Variants in GABRG3 observed in about 807,000 individuals in gnomAD.
The protein encoded by GABRG3 is gamma-aminobutyric acid type A receptor subunit gamma3.
GABRG3 carries 25 observed loss-of-function variants against 48.8 expected under a neutral mutation model. That is an observed-to-expected ratio of 0.51 (90% CI 0.37 to 0.72). The LOEUF (loss-of-function observed/expected upper bound fraction) is 0.72, where lower values mean the gene tolerates loss of function less well. GABRG3 is among the 30% of genes least tolerant of loss of function. The pLI is 0.00. For synonymous variants in GABRG3, 227 were observed against 217.6 expected (o/e 1.04, Z -0.38); for missense variants, 394 against 577.9 (o/e 0.68, Z 3.26).
At chr15:27,176,296 A>G (rs1211448069) in intron 3 of GABRG3, among the ~76,000 whole-genome samples, 1 of 152,212 alleles carries the variant, frequency 6.6e-6, no homozygotes, top group Non-Finnish European at 1.5e-5. Context: ...CACTAGTGCA[A>G]GTTGAGTGCT....
intron 5 of GABRG3, among the ~76,000 whole-genome samples, chr15:27,372,651 C>T (rs1011772544): frequency 2.6e-5 from 4 of 152,144 alleles, no homozygotes; most frequent in Non-Finnish European, 5.9e-5. Flanking sequence ...CTTGGCCTTC[C>T]GAAGTACTAG....
chr15:27,243,313 A>G (rs1435693737), intron 3 of GABRG3, among the ~76,000 whole-genome samples: 1 of 152,224 alleles, frequency 6.6e-6, no homozygotes, highest in Non-Finnish European at 1.5e-5. Context: ...AGCAAATGTT[A>G]TGTTTGATTG....
Position 27,319,983 on chromosome 15 carries a change from T to C in GABRG3, c.271-6826T>C, listed in dbSNP as rs993963104. Among the ~76,000 whole-genome samples the C allele has an allele frequency of 6.6e-6, 1 of 152,114 alleles. No individual in the cohort carries two copies. The highest frequency in any genetic ancestry group is 1.5e-5 in the Non-Finnish European group (1 of 68,012). ...AAACTGAGAAAAGGCAGGATGTCTA[T>C]AGCAATGTGCAAGGGGCACCTGCTT... On this transcript the variant is annotated intron_variant, in intron 3 of 9. Transcript: ENST00000615808. This position sits in a 1 kb window ranked among gnomAD's most constrained non-coding sequence, Gnocchi z 4.4.
At chr15:27,257,383 C>T (rs975538935) in intron 3 of GABRG3, among the ~76,000 whole-genome samples, 60 of 152,094 alleles carry the variant, frequency 3.9e-4, no homozygotes, top group African/African-American at 1.4e-3. Flanking sequence ...TAGTTGGGTG[C>T]AGTCTCATTT....
intron 5 of GABRG3, among the ~76,000 whole-genome samples, chr15:27,358,761 A>C (rs904400500): frequency 6.6e-6 from 1 of 152,216 alleles, no homozygotes; most frequent in Admixed American, 6.5e-5. Flanking sequence ...AGCTCTTTCT[A>C]TGGGCTAAGT....
At chr15:27,051,255 G>C (rs945202679) in intron 3 of GABRG3, among the ~76,000 whole-genome samples, 8 of 152,146 alleles carry the variant, frequency 5.3e-5, no homozygotes, top group Non-Finnish European at 8.8e-5. Context: ...TGGCAATTTA[G>C]AATCTCAGAA....
intron 3 of GABRG3, among the ~76,000 whole-genome samples, chr15:27,120,941 C>T (rs919111974): frequency 2.0e-5 from 3 of 152,210 alleles, no homozygotes; most frequent in Admixed American, 6.5e-5. Context: ...TTTGCTCAAG[C>T]GTATGCCAAA....
At chr15:27,010,547 G>A (rs1422590016) in intron 2 of GABRG3, among the ~76,000 whole-genome samples, 1 of 152,126 alleles carries the variant, frequency 6.6e-6, no homozygotes, top group Non-Finnish European at 1.5e-5. Context: ...GTTAGATTAA[G>A]TTGGGACTGG....
chr15:27,311,826 A>C (rs1469361820), intron 3 of GABRG3, among the ~76,000 whole-genome samples: 1 of 152,060 alleles, frequency 6.6e-6, no homozygotes, highest in Non-Finnish European at 1.5e-5. Flanking sequence ...GGCTCCGAAA[A>C]TCTCTGCTTG....
At chr15:27,063,926 A>T (rs77000626) in intron 3 of GABRG3, among the ~76,000 whole-genome samples, 1 of 152,146 alleles carries the variant, frequency 6.6e-6, no homozygotes, top group Non-Finnish European at 1.5e-5. Context: ...CTTTCCTGAC[A>T]TGGGTGTCAT....
At chr15:27,165,360 T>A (rs1055556869) in intron 3 of GABRG3, among the ~76,000 whole-genome samples, 1 of 152,194 alleles carries the variant, frequency 6.6e-6, no homozygotes, top group African/African-American at 2.4e-5. Context: ...ATGACCTCCA[T>A]GACAAAGCCT....
intron 3 of GABRG3, among the ~76,000 whole-genome samples, chr15:27,294,684 T>C (rs986775961): frequency 1.3e-5 from 2 of 152,110 alleles, no homozygotes; most frequent in Non-Finnish European, 2.9e-5. Context: ...AATCTAGCAC[T>C]GTGGAGGGTG....
At chr15:27,075,957 G>A (rs1896903051) in intron 3 of GABRG3, among the ~76,000 whole-genome samples, 1 of 152,160 alleles carries the variant, frequency 6.6e-6, no homozygotes, top group Non-Finnish European at 1.5e-5. Flanking sequence ...GTCACGGAAC[G>A]GAAGTGCTGC....
chr15:27,169,609 C>A (rs1002282839), intron 3 of GABRG3, among the ~76,000 whole-genome samples: 1 of 152,134 alleles, frequency 6.6e-6, no homozygotes, highest in African/African-American at 2.4e-5. Flanking sequence ...GAGCTGCAGT[C>A]GATGACCAGC....
chr15:27,475,510 TTGA>T (rs1161766405), intron 5 of GABRG3, among the ~76,000 whole-genome samples: 4 of 151,814 alleles, frequency 2.6e-5, no homozygotes, highest in African/African-American at 7.3e-5. Context: ...GATGATATTG[TTGA>T]TGATGATGGT....
chr15:27,309,053 G>A (rs1892893112), intron 3 of GABRG3, among the ~76,000 whole-genome samples: 1 of 149,738 alleles, frequency 6.7e-6, no homozygotes, highest in Admixed American at 6.7e-5. Flanking sequence ...TGTTTATATA[G>A]AAACACATAT....
intron 3 of GABRG3, among the ~76,000 whole-genome samples, chr15:27,227,214 C>T (rs60440878): frequency 2.6e-5 from 4 of 152,158 alleles, no homozygotes; most frequent in Non-Finnish European, 5.9e-5. Context: ...GGCCAGGCTT[C>T]GTAGCTCATG....
At chr15:27,431,610 G>A (rs1437767245) in intron 5 of GABRG3, among the ~76,000 whole-genome samples, 1 of 152,126 alleles carries the variant, frequency 6.6e-6, no homozygotes, top group East Asian at 1.9e-4. Context: ...AAGGGGGAAG[G>A]ATTCCGTTTT....
intron 3 of GABRG3, among the ~76,000 whole-genome samples, chr15:27,036,969 G>A (rs1444687552): frequency 6.6e-6 from 1 of 152,186 alleles, no homozygotes; most frequent in East Asian, 1.9e-4. Context: ...TATGACTGAT[G>A]TCCTTATGAA....
Sources: allele counts gnomAD v4.1 joint callset (sites outside exome capture counted in the v4.1 genomes callset), GRCh38; gene constraint gnomAD v4.1.1; non-coding constraint Gnocchi (gnomAD v3.1); transcripts MANE v1.5; gene names NCBI Gene and HGNC (gene_info 2026-07-23, HGNC 2026-07-21).